DOCK9: variants seen among roughly 807,000 people sequenced by gnomAD.
DOCK9 encodes the protein dedicator of cytokinesis 9, also known as dedicator of cytokinesis protein 9.
A neutral mutation model predicts 263.3 loss-of-function variants in DOCK9; 89 were observed. That is an observed-to-expected ratio of 0.34 (90% confidence interval 0.28 to 0.40). DOCK9 has a LOEUF of 0.40. Ranked by LOEUF, DOCK9 falls within the 10% of genes least tolerant of loss-of-function variation. The pLI is 1.00. For synonymous variants in DOCK9, 976 were observed against 973.1 expected (o/e 1.00, Z -0.06); for missense variants, 2,140 against 2,603.4 (o/e 0.82, Z 3.87).
intron 38 of DOCK9, among the ~76,000 whole-genome samples, chr13:98,842,076 AT>A (rs1406020746): frequency 6.6e-6 from 1 of 152,134 alleles, no homozygotes; most frequent in Non-Finnish European, 1.5e-5. Context: ...CATTCTCTGT[AT>A]TTTTCATATT....
intron 1 of DOCK9, among the ~76,000 whole-genome samples, chr13:99,033,709 G>A (rs187234822): frequency 6.6e-6 from 1 of 152,300 alleles, no homozygotes; most frequent in Admixed American, 6.5e-5. Context: ...CTTAAAGACG[G>A]TTAAAGACCA....
intron 1 of DOCK9, among the ~76,000 whole-genome samples, chr13:99,038,230 T>C (rs1456181130): frequency 6.6e-6 from 1 of 150,460 alleles, no homozygotes; most frequent in African/African-American, 2.4e-5. Flanking sequence ...CAAAATATCC[T>C]AGTCTTTATA....
intron 13 of DOCK9, 58 bp downstream of exon 13, chr13:98,901,720 A>C: frequency 6.3e-7 from 1 of 1,583,274 alleles, no homozygotes; most frequent in Non-Finnish European, 8.6e-7. Context: ...ATAGTATCAC[A>C]TAAAGGCCTC....
chr13:99,017,941 G>T (rs901519717), intron 1 of DOCK9, among the ~76,000 whole-genome samples: 2 of 152,126 alleles, frequency 1.3e-5, no homozygotes, highest in Admixed American at 6.5e-5. Context: ...TAACTCAATT[G>T]TGGTAATCAT....
intron 1 of DOCK9, among the ~76,000 whole-genome samples, chr13:99,004,647 G>A (rs1882978367): frequency 6.6e-6 from 1 of 152,132 alleles, no homozygotes; most frequent in Non-Finnish European, 1.5e-5. Context: ...TAGGATATGT[G>A]TTTTTCCTTG....
At chr13:98,855,240 G>A (rs2093677367) in intron 34 of DOCK9, among the ~76,000 whole-genome samples, 1 of 152,198 alleles carries the variant, frequency 6.6e-6, no homozygotes, top group Non-Finnish European at 1.5e-5. Context: ...ACCCTTGTGG[G>A]TGGAGAGCTG....
At chr13:99,073,524 A>G (rs1256349010) in intron 1 of DOCK9, among the ~76,000 whole-genome samples, 1 of 152,110 alleles carries the variant, frequency 6.6e-6, no homozygotes, top group Non-Finnish European at 1.5e-5. Flanking sequence ...CCAATCCAGA[A>G]AAAGGGTTCT....
chr13:99,054,551 TGTTA>T (rs1258984002), intron 1 of DOCK9, among the ~76,000 whole-genome samples: 2 of 152,230 alleles, frequency 1.3e-5, no homozygotes, highest in Non-Finnish European at 2.9e-5. Context: ...CTTGGTTTGC[TGTTA>T]GTTGTTGGTT....
rs2059346026 is a variant in DOCK9, at chr13:98,967,686, C to T, written c.126+10098G>A. 2.0e-5 allele frequency among the ~76,000 whole-genome samples: 3 copies of T among 152,162 alleles called. No individual in the cohort carries two copies. In the South Asian group the frequency reaches 6.2e-4, roughly 32 times the overall value. ...GTCGCCAGGGAGGAGGGAATTCTCC[C>T]CACTCTGAGATCTGCCAGGCACTGA... is the stretch of plus-strand genomic sequence containing the variant. On this transcript the variant is annotated intron_variant, in intron 1 of 52. Transcript: ENST00000682017.
chr13:98,974,679 G>A (rs1413644146), intron 1 of DOCK9, among the ~76,000 whole-genome samples: 1 of 149,502 alleles, frequency 6.7e-6, no homozygotes, highest in Non-Finnish European at 1.5e-5. Flanking sequence ...GAACTCAGGA[G>A]GCGGAGGTTA....
chr13:98,823,222 T>C (rs2092373434), intron 45 of DOCK9, among the ~76,000 whole-genome samples: 1 of 152,168 alleles, frequency 6.6e-6, no homozygotes, highest in African/African-American at 2.4e-5. Flanking sequence ...TGTGCATCCA[T>C]TCTGCACACA....
At chr13:98,953,388 T>C (rs1338577287) in intron 2 of DOCK9, among the ~76,000 whole-genome samples, 2 of 152,192 alleles carry the variant, frequency 1.3e-5, no homozygotes, top group African/African-American at 4.8e-5. Flanking sequence ...GACACAGAAG[T>C]TTTCTCAAAG....
At chr13:98,822,426 C>T (rs1307374670) in intron 45 of DOCK9, among the ~76,000 whole-genome samples, 5 of 152,176 alleles carry the variant, frequency 3.3e-5, no homozygotes, top group Non-Finnish European at 7.4e-5. Context: ...AAATAGTCTA[C>T]TTTCCAATCT....
In DOCK9 at chr13:98,855,975, T is replaced by C. The variant is rs773983499; in HGVS notation, c.3754A>G (p.Arg1252Gly). ...GAATCTGTGCTTATGAGAGATCCTC[T>C]CGAATCAGCATTTCTCACACTGTTG... ...NINSVRNADS[R>G]GSLISTDSGN... Residue 1252 changes from arginine to glycine, a missense_variant, in exon 34 of 53, where the codon AGA becomes GGA. Coordinates refer to ENST00000682017, the MANE Select transcript of DOCK9 (RefSeq NM_001366683.2). The C allele has an allele frequency of 5.6e-6, 9 of 1,614,016 alleles. No homozygotes were observed. Among genetic ancestry groups the C allele is most frequent in the Non-Finnish European group, 7.6e-6 (9 of 1,179,876 alleles).
At chr13:99,075,490 A>T (rs909238015) in intron 1 of DOCK9, among the ~76,000 whole-genome samples, 1 of 151,148 alleles carries the variant, frequency 6.6e-6, no homozygotes, top group Non-Finnish European at 1.5e-5. Flanking sequence ...GTAGCTAGGG[A>T]CTACAGGTGT....
intron 30 of DOCK9, 188 bp downstream of exon 30, chr13:98,867,237 G>C (rs1257950358): frequency 1.8e-6 from 1 of 564,842 alleles, no homozygotes; most frequent in Non-Finnish European, 3.1e-6. Flanking sequence ...AGTCTGATAA[G>C]TTTGCTGAAA....
intron 9 of DOCK9, among the ~76,000 whole-genome samples, chr13:98,908,368 A>C (rs985721863): frequency 6.6e-6 from 1 of 152,168 alleles, no homozygotes; most frequent in Non-Finnish European, 1.5e-5. Flanking sequence ...AAAATTCCAC[A>C]TTGGGGAATT....
At chr13:98,809,263 T>A (rs753352638) in intron 47 of DOCK9, 89 bp downstream of exon 47, 3 of 1,289,366 alleles carry the variant, frequency 2.3e-6, no homozygotes, top group African/African-American at 3.1e-5. Flanking sequence ...ATTTATAAGA[T>A]ATAACTTTAT....
intron 1 of DOCK9, among the ~76,000 whole-genome samples, chr13:98,955,961 C>T (rs1230220961): frequency 6.6e-6 from 1 of 152,220 alleles, no homozygotes; most frequent in African/African-American, 2.4e-5. Flanking sequence ...GGCCCAGGGC[C>T]TAAATGTATC....
Sources: gnomAD v4.1 joint callset for allele counts (sites outside exome capture counted in the v4.1 genomes callset) on GRCh38, gnomAD v4.1.1 for gene constraint, MANE v1.5 for transcripts, NCBI Gene and HGNC (gene_info 2026-07-23, HGNC 2026-07-21) for gene names.